RMST: variants seen among roughly 807,000 people sequenced by gnomAD.
The protein encoded by RMST is rhabdomyosarcoma 2 associated transcript, also known as long intergenic non-protein coding RNA 54.
chr12:97,534,154 G>T (rs1881893801), intron 11 of RMST, among the ~76,000 whole-genome samples: 1 of 151,728 alleles, frequency 6.6e-6, no homozygotes, highest in African/African-American at 2.4e-5. Context: ...CAAATACGTT[G>T]TTCTGTACCT....
At chr12:97,529,852 C>G (rs1223033400) in intron 10 of RMST, among the ~76,000 whole-genome samples, 3 of 152,082 alleles carry the variant, frequency 2.0e-5, no homozygotes, top group Non-Finnish European at 4.4e-5. Flanking sequence ...AGTAGACAGA[C>G]TTTTTGAAGG....
chr12:97,475,715 C>A (rs1874477767), intron 5 of RMST, among the ~76,000 whole-genome samples: 2 of 151,664 alleles, frequency 1.3e-5, no homozygotes, highest in South Asian at 4.2e-4. Flanking sequence ...AAAAAAACAC[C>A]CAAGAACACA....
intron 10 of RMST, among the ~76,000 whole-genome samples, chr12:97,501,640 C>T (rs1878083047): frequency 6.6e-6 from 1 of 152,132 alleles, no homozygotes; most frequent in Admixed American, 6.5e-5. Flanking sequence ...TGTCACCTGC[C>T]TCTCCTTGCT....
At chr12:97,483,869 C>T (rs763869332) in intron 5 of RMST, among the ~76,000 whole-genome samples, 9 of 152,236 alleles carry the variant, frequency 5.9e-5, no homozygotes, top group South Asian at 2.1e-4. Flanking sequence ...AATTGCTTTT[C>T]GACCTAATGT....
rs188730445 is a variant in RMST, at chr12:97,525,860, A to G, written n.1341-4795A>G. Among the ~76,000 whole-genome samples the G allele has an allele frequency of 1.1e-4, 17 of 152,234 alleles. No individual in the cohort carries two copies. In the East Asian group the frequency reaches 3.1e-3, roughly 28 times the overall value. On this transcript the variant is annotated intron_variant and non_coding_transcript_variant, in intron 10 of 13. Coordinates refer to ENST00000640149, the Ensembl canonical transcript of RMST. ...TCATCTGTATTTACAGCCAGTCAAAATCACTTGCATTACAACCTGAGCTTC... is the reference window on the plus strand; with the variant it reads ...TCATCTGTATTTACAGCCAGTCAAAGTCACTTGCATTACAACCTGAGCTTC...
chr12:97,561,463 A>G (rs1179722492), intron 13 of RMST, among the ~76,000 whole-genome samples: 3 of 152,030 alleles, frequency 2.0e-5, no homozygotes, highest in Admixed American at 1.3e-4. Flanking sequence ...TGGAACGGGA[A>G]AAAAAGAACG....
At chr12:97,503,366 TG>T (rs1267791719) in intron 10 of RMST, among the ~76,000 whole-genome samples, 1 of 151,964 alleles carries the variant, frequency 6.6e-6, no homozygotes, top group African/African-American at 2.4e-5. Flanking sequence ...GACTTTAGTT[TG>T]AAAAAATTAA....
intron 10 of RMST, among the ~76,000 whole-genome samples, chr12:97,508,512 T>C (rs1209727958): frequency 6.6e-6 from 1 of 152,004 alleles, no homozygotes; most frequent in African/African-American, 2.4e-5. Context: ...AAAGGAGAAT[T>C]GTAGAGATTT....
At chr12:97,503,724 A>G (rs1164198255) in intron 10 of RMST, among the ~76,000 whole-genome samples, 1 of 152,202 alleles carries the variant, frequency 6.6e-6, no homozygotes, top group African/African-American at 2.4e-5. Flanking sequence ...GTGTGAAGGG[A>G]GCAAATCCCT....
intron 10 of RMST, among the ~76,000 whole-genome samples, chr12:97,499,658 T>C (rs1877858657): frequency 1.2e-5 from 1 of 86,908 alleles, no homozygotes; most frequent in Non-Finnish European, 2.0e-5. Context: ...TTTTTCTTTC[T>C]TTTTTTTTTT....
intron 10 of RMST, among the ~76,000 whole-genome samples, chr12:97,521,758 A>G (rs1880536826): frequency 6.6e-6 from 1 of 151,994 alleles, no homozygotes; most frequent in African/African-American, 2.4e-5. Context: ...CCTCTCTGAA[A>G]CCCCCTAAAG....
At chr12:97,536,108 G>A (rs1483457760) in intron 11 of RMST, among the ~76,000 whole-genome samples, 1 of 151,464 alleles carries the variant, frequency 6.6e-6, no homozygotes, top group East Asian at 1.9e-4. Context: ...GTTGATAAAT[G>A]TGTCTCTGTA....
intron 5 of RMST, among the ~76,000 whole-genome samples, chr12:97,467,698 T>A: frequency 6.6e-6 from 1 of 152,058 alleles, no homozygotes; most frequent in East Asian, 1.9e-4. Context: ...ATAGTTTCTT[T>A]CTGCCTACTA....
At chr12:97,480,089 C>CTTTTTTTTTTTTTTTTTTTTT (rs369247317) in intron 5 of RMST, among the ~76,000 whole-genome samples, 1 of 90,966 alleles carries the variant, frequency 1.1e-5, no homozygotes, top group African/African-American at 3.8e-5. Context: ...TTTCTTTTTT[C>CTTTTTTTTTTTTTTTTTTTTT]TTTTTTTTTC....
intron 11 of RMST, among the ~76,000 whole-genome samples, chr12:97,551,516 A>G (rs1340475807): frequency 1.3e-5 from 2 of 152,292 alleles, no homozygotes; most frequent in South Asian, 4.1e-4. Flanking sequence ...TTATTTCTCC[A>G]TTGCTCTGGC....
intron 10 of RMST, among the ~76,000 whole-genome samples, chr12:97,521,622 C>T (rs1880522155): frequency 6.6e-6 from 1 of 152,098 alleles, no homozygotes; most frequent in Admixed American, 6.5e-5. Flanking sequence ...TCTCAAGCCC[C>T]CGCATAGTAC....
At chr12:97,465,873 G>C (rs2136373358) in intron 5 of RMST, 1 of 152,128 alleles carries the variant, frequency 6.6e-6, no homozygotes, top group East Asian at 1.9e-4. Flanking sequence ...AGAGCTTAGA[G>C]AATTTGATTG....
At chr12:97,490,828 G>A (rs974318881) in intron 5 of RMST, among the ~76,000 whole-genome samples, 2 of 152,104 alleles carry the variant, frequency 1.3e-5, no homozygotes, top group Admixed American at 6.6e-5. Flanking sequence ...ATCTGAAGTT[G>A]GAAGTTTGCA....
rs144628551 is a variant in RMST at position 97,504,297 on chromosome 12, G to C, written n.1340+8241G>C. 4.0e-5 allele frequency among the ~76,000 whole-genome samples: 6 copies of C among 151,744 alleles called. No individual in the cohort carries two copies. The South Asian group carries it at 1.3e-3, about 32-fold the overall frequency. On this transcript the variant is annotated intron_variant and non_coding_transcript_variant, in intron 10 of 13. Coordinates refer to ENST00000640149, the Ensembl canonical transcript of RMST. ...CACACGCCTGTAGTCGCAGATACTT[G>C]GGAGGCTGAGGCAGGAAAATCGCTT...
Sources: gnomAD v4.1 joint callset for allele counts (sites outside exome capture counted in the v4.1 genomes callset) on GRCh38, gnomAD v4.1.1 for gene constraint, MANE v1.5 for transcripts, NCBI Gene and HGNC (gene_info 2026-07-23, HGNC 2026-07-21) for gene names.